The following CBX1 variants were observed in gnomAD, a reference collection of about 807,000 sequenced individuals.
The protein encoded by CBX1 is chromobox 1.
Under a neutral mutation model 25.1 loss-of-function variants are expected in CBX1, and 10 were observed. That is an observed-to-expected ratio of 0.40 (90% CI 0.25 to 0.68). The LOEUF (loss-of-function observed/expected upper bound fraction) is 0.68, where lower values mean the gene tolerates loss of function less well. CBX1 is among the 30% of genes least tolerant of loss of function. CBX1 has a pLI of 0.40. For missense variants in CBX1, 106 were observed against 218.5 expected (o/e 0.49, Z 3.25); for synonymous variants, 63 against 79.4 (o/e 0.79, Z 1.10).
chr17:48,075,175 CTGATTAATG>C (rs1384075249), intron 3 of CBX1, 75 bp from the exon 4 acceptor site: 1 of 933,616 alleles, frequency 1.1e-6, no homozygotes, highest in Non-Finnish European at 1.7e-6. Flanking sequence ...TCCTGTGTCT[CTGATTAATG>C]TAATCACAAA....
intron 1 of CBX1, chr17:48,100,818 C>G: frequency 1.0e-6 from 1 of 985,670 alleles, no homozygotes; most frequent in Non-Finnish European, 1.2e-6. Context: ...CCTGCAAAGC[C>G]AGGTTCCTCT....
chr17:48,100,765 C>T (rs2144482694), intron 1 of CBX1: 1 of 985,552 alleles, frequency 1.0e-6, no homozygotes, highest in Non-Finnish European at 1.2e-6. Context: ...CTTGTGCGGC[C>T]CTGGGCCCTC....
chr17:48,082,501 CAAAA>C (rs572999255), intron 1 of CBX1, among the ~76,000 whole-genome samples: 7,965 of 53,176 alleles, frequency 0.15, 120 homozygotes, highest in East Asian at 0.27. Flanking sequence ...GACTCCATCT[CAAAA>C]AAAAAAAAAA....
At position 48,071,250 on chromosome 17, in the gene CBX1, G is replaced by T. The variant is rs2037622557; in HGVS notation, c.*185C>A. 1 of 488,910 alleles carries T rather than the reference G, an allele frequency of 2.0e-6. No individual in the cohort carries two copies. Among genetic ancestry groups the T allele is most frequent in the Non-Finnish European group, 3.5e-6 (1 of 283,610 alleles). The allele number at this position is 488,910 out of a possible 1,614,324, so 30.3% of individuals were successfully genotyped here. A position where few individuals can be genotyped will look rare whatever the true frequency, so the allele number is the denominator to read the frequency against. ...TCCCCTTTCCCCTCCACTGGGATGG[G>T]TGTGCAAACTATACAGCTTGAAACG... is the stretch of plus-strand genomic sequence containing the variant. On this transcript the variant is annotated 3_prime_UTR_variant, in exon 5 of 5. Coordinates refer to ENST00000225603, the MANE Select transcript of CBX1 (RefSeq NM_001127228.2).
intron 1 of CBX1, 31 bp from the exon 2 acceptor site, chr17:48,077,072 T>G: frequency 6.5e-7 from 1 of 1,527,390 alleles, no homozygotes; most frequent in Non-Finnish European, 8.9e-7. Flanking sequence ...AAAAGGGCAT[T>G]AGGGAGCACT....
chr17:48,083,251 C>T (rs546939345), intron 1 of CBX1, among the ~76,000 whole-genome samples: 5 of 150,044 alleles, frequency 3.3e-5, no homozygotes, highest in Non-Finnish European at 5.9e-5. Flanking sequence ...CTCCAGTGAT[C>T]CTCCCGCCTC....
intron 1 of CBX1, among the ~76,000 whole-genome samples, chr17:48,091,038 T>TAACATTTA (rs1296494125): frequency 6.6e-6 from 1 of 152,186 alleles, no homozygotes; most frequent in Non-Finnish European, 1.5e-5. Flanking sequence ...TTCTTTAGAA[T>TAACATTTA]AACATTTAAA....
chr17:48,080,179 G>A (rs1466304052), intron 1 of CBX1, among the ~76,000 whole-genome samples: 1 of 152,102 alleles, frequency 6.6e-6, no homozygotes, highest in Non-Finnish European at 1.5e-5. Context: ...TAGGACTACA[G>A]GCACCTGCCA....
chr17:48,084,169 T>C (rs2037763840), intron 1 of CBX1, among the ~76,000 whole-genome samples: 1 of 146,886 alleles, frequency 6.8e-6, no homozygotes, highest in African/African-American at 2.6e-5. Flanking sequence ...GGAGACAAGG[T>C]GTTCCTATGT....
chr17:48,095,346 T>C (rs1157635884), intron 1 of CBX1, among the ~76,000 whole-genome samples: 1 of 152,036 alleles, frequency 6.6e-6, no homozygotes, highest in Non-Finnish European at 1.5e-5. Flanking sequence ...TCCCAGCACT[T>C]TGGGAGGCTG....
At chr17:48,072,356 A>G (rs2037632765) in intron 4 of CBX1, among the ~76,000 whole-genome samples, 1 of 152,178 alleles carries the variant, frequency 6.6e-6, no homozygotes, top group African/African-American at 2.4e-5. Context: ...AGAGCAAATG[A>G]AGATGGACAC....
chr17:48,092,514 T>A, intron 1 of CBX1, among the ~76,000 whole-genome samples: 1 of 149,740 alleles, frequency 6.7e-6, no homozygotes, highest in African/African-American at 2.4e-5. Context: ...CAGGCTAGAG[T>A]GCAGCTATCT....
At chr17:48,078,664 A>AT (rs2037701137) in intron 1 of CBX1, among the ~76,000 whole-genome samples, 1 of 149,116 alleles carries the variant, frequency 6.7e-6, no homozygotes, top group South Asian at 2.1e-4. Flanking sequence ...TAATTTCTAT[A>AT]TTTTTAGAAG....
chr17:48,081,109 G>A (rs1008312492), intron 1 of CBX1, among the ~76,000 whole-genome samples: 2 of 150,614 alleles, frequency 1.3e-5, no homozygotes, highest in South Asian at 4.2e-4. Flanking sequence ...CGGTAGAGAA[G>A]GGTTTTTGCC....
intron 1 of CBX1, among the ~76,000 whole-genome samples, 155 bp from the exon 2 acceptor site, chr17:48,077,196 G>C (rs745647455): frequency 1.3e-5 from 2 of 151,316 alleles, no homozygotes; most frequent in African/African-American, 4.9e-5. Context: ...ATACAAAATA[G>C]TTTTCTGATA....
In CBX1 at chr17:48,071,073, T is replaced by C. The variant is rs1004765843; in HGVS notation, c.*362A>G. ...TGTAAAAATGCAGAGTTAACACTAT[T>C]GGGAAGAAGGCTGTGGGTTGTGGAG... On this transcript the variant is annotated 3_prime_UTR_variant, in exon 5 of 5. Coordinates refer to ENST00000225603, the MANE Select transcript of CBX1 (RefSeq NM_001127228.2). 3 of 164,330 alleles carry C rather than the reference T, an allele frequency of 1.8e-5. No individual in the cohort carries two copies. The highest frequency in any genetic ancestry group is 6.1e-5 in the Admixed American group (1 of 16,500). The allele number at this position is 164,330 out of a possible 1,614,324, so 10.2% of individuals were successfully genotyped here. A position where few individuals can be genotyped will look rare whatever the true frequency, so the allele number is the denominator to read the frequency against.
At chr17:48,082,121 G>A (rs543280861) in intron 1 of CBX1, among the ~76,000 whole-genome samples, 7 of 152,138 alleles carry the variant, frequency 4.6e-5, no homozygotes, top group African/African-American at 1.4e-4. Flanking sequence ...TGGGAGGATC[G>A]CTTAAGCACA....
intron 4 of CBX1, among the ~76,000 whole-genome samples, chr17:48,073,824 C>CAAAAAAAAAAAAAAAAAAAAAAAAAAAAA (rs60857566): frequency 6.1e-5 from 5 of 82,484 alleles, no homozygotes; most frequent in Non-Finnish European, 9.0e-5. Context: ...GAGACTGTCT[C>CAAAAAAAAAAAAAAAAAAAAAAAAAAAAA]AAAAAAAAAA....
chr17:48,073,609 C>CTGAGG (rs1487362635), intron 4 of CBX1, among the ~76,000 whole-genome samples: 1 of 151,958 alleles, frequency 6.6e-6, no homozygotes, highest in Non-Finnish European at 1.5e-5. Context: ...GGTGGATCAC[C>CTGAGG]TGAGGTCAGG....
Sources: allele counts gnomAD v4.1 joint callset (sites outside exome capture counted in the v4.1 genomes callset), GRCh38; gene constraint gnomAD v4.1.1; transcripts MANE v1.5; gene names NCBI Gene and HGNC (gene_info 2026-07-23, HGNC 2026-07-21).